Variants in MPZ observed in about 807,000 individuals in gnomAD.
MPZ encodes myelin protein P0.
MPZ carries 13 observed loss-of-function variants against 27.9 expected under a neutral mutation model. The observed-to-expected ratio is 0.47, with a 90% CI of 0.30 to 0.74. The LOEUF (loss-of-function observed/expected upper bound fraction) is 0.74, where lower values mean the gene tolerates loss of function less well. Ranked by LOEUF, MPZ falls within the 30% of genes least tolerant of loss-of-function variation. MPZ has a pLI of 0.06. For synonymous variants in MPZ, 118 were observed against 128.9 expected, an observed-to-expected ratio of 0.92 and a Z score of 0.57; for missense variants, 256 against 317.5, an observed-to-expected ratio of 0.81 and a Z score of 1.47.
Position 161,309,828 on chromosome 1 carries a change from G to A in MPZ, c.67+11C>T. The stretch of plus-strand genomic sequence containing the variant: ...GTCCCAAGACTCCCAGAGTAGAGTG[G>A]CTCCACTTACCCAAAGAAGAGAAGA... On this transcript the variant is annotated intron_variant, in intron 1 of 5. Coordinates refer to ENST00000533357, the MANE Select transcript of MPZ (RefSeq NM_000530.8). 6.4e-7 allele frequency: 1 copy of A among 1,571,338 alleles called. No individual in the cohort carries two copies. The highest frequency in any genetic ancestry group is 8.6e-7 in the Non-Finnish European group (1 of 1,157,558).
chr1:161,305,590 A>C lies in MPZ; in HGVS notation c.*286T>G. On this transcript the variant is annotated 3_prime_UTR_variant, in exon 6 of 6. Coordinates refer to ENST00000533357, the MANE Select transcript of MPZ (RefSeq NM_000530.8). Reference sequence around the variant, plus strand: ...TCTCAAAGGGAGGTGAGGGCAGGGCAGGGCGGGGGAGCAAAGAGGGAAAGC... The same window carrying C: ...TCTCAAAGGGAGGTGAGGGCAGGGCCGGGCGGGGGAGCAAAGAGGGAAAGC... The C allele has an allele frequency of 2.2e-6, 1 of 450,592 alleles. No individual in the cohort carries two copies. The highest frequency in any genetic ancestry group is 3.8e-6 in the Non-Finnish European group (1 of 260,794). 27.9% of individuals were successfully genotyped at this position (450,592 alleles called of 1,614,324 possible). A position where few individuals can be genotyped will look rare whatever the true frequency, so the allele number is the denominator to read the frequency against.
intron 1 of MPZ, 57 bp downstream of exon 1, chr1:161,309,782 G>A: frequency 7.3e-7 from 1 of 1,363,080 alleles, no homozygotes; most frequent in Non-Finnish European, 1.0e-6. Flanking sequence ...AAGGCTGTGG[G>A]GATTGCTGAG....
rs202176679 is a variant in MPZ, at chr1:161,306,116, C to G, written c.637G>C (p.Gly213Arg). Residue 213 changes from glycine to arginine, a missense_variant, in exon 5 of 6, where the codon GGG (glycine) becomes CGG (arginine). Around this residue, in one of 2 missense-constraint regions of MPZ, gnomAD observed 101 missense variants for 93.6 expected, o/e 1.08. Coordinates refer to ENST00000533357, the MANE Select transcript of MPZ (RefSeq NM_000530.8). ...CCCCAAGTCCCGCTAACCTGCCGCCCGCGCTTCGACGCGTCCTTTCCTGGC... is the reference window on the plus strand; with the variant it reads ...CCCCAAGTCCCGCTAACCTGCCGCCGGCGCTTCGACGCGTCCTTTCCTGGC... ...HKPGKDASKR[G>R]RQTPVLYAML... The G allele has an allele frequency of 8.4e-5, 136 of 1,614,122 alleles. 1 individual carries two copies. In the Middle Eastern group the frequency reaches 1.3e-3, roughly 16 times the overall value.
chr1:161,306,522 TA>T (rs1670252510), intron 3 of MPZ, 58 bp from the exon 4 acceptor site: 2 of 1,610,308 alleles, frequency 1.2e-6, no homozygotes. Flanking sequence ...CTGTGGTTCC[TA>T]GTCCGAGTGT....
rs1060503422 is a variant in MPZ at position 161,307,279 on chromosome 1, T to A, written c.213A>T (p.Glu71Asp). 1.2e-6 allele frequency: 2 copies of A among 1,614,228 alleles called. No homozygotes were observed. Among genetic ancestry groups the A allele is most frequent in the Non-Finnish European group, 8.5e-7 (1 of 1,180,044 alleles). Residue 71 changes from glutamate to aspartate, a missense_variant, in exon 2 of 6, where the codon GAA becomes GAT. Glu to Asp is a conservative substitution (Grantham distance 45). Coordinates refer to ENST00000533357, the MANE Select transcript of MPZ (RefSeq NM_000530.8). The stretch of plus-strand genomic sequence containing the variant: ...TCACCGAAATGGCATCTCTGCCCCC[T>A]TCGGGCTGGTAGCGCCAGGTGAAGG... ...DISFTWRYQP[E>D]GGRDAISIFH...
chr1:161,305,739 C>T lies in MPZ; in HGVS notation c.*137G>A. The T allele has an allele frequency of 1.5e-6, 1 of 652,054 alleles. No homozygotes were observed. The highest frequency in any genetic ancestry group is 2.6e-6 in the Non-Finnish European group (1 of 377,434). The allele number at this position is 652,054 out of a possible 1,614,324, so 40.4% of individuals were successfully genotyped here. On this transcript the variant is annotated 3_prime_UTR_variant, in exon 6 of 6. Coordinates refer to ENST00000533357, the MANE Select transcript of MPZ (RefSeq NM_000530.8). ...CTTGAGGGCGTTTTTGAGGCTGGTT[C>T]TGCTGGGGGACTTGACAGCAGGCCG...
At chr1:161,309,075 C>G (rs1389070546) in intron 1 of MPZ, among the ~76,000 whole-genome samples, 1 of 152,222 alleles carries the variant, frequency 6.6e-6, no homozygotes, top group Non-Finnish European at 1.5e-5. Context: ...CTCTTACTCA[C>G]CCAACATCTG....
Position 161,306,473 on chromosome 1 carries a change from G to A in MPZ, c.449-9C>T, listed in dbSNP as rs750530042. ...CCCGTACCTAGTTGGCACTAGGAGG[G>A]GTGGGAAAAGAAGTGGGAGAATGAG... On this transcript the variant is annotated splice_polypyrimidine_tract_variant and intron_variant, in intron 3 of 5. Coordinates refer to ENST00000533357, the MANE Select transcript of MPZ (RefSeq NM_000530.8). The A allele has an allele frequency of 6.2e-6, 10 of 1,614,200 alleles. No homozygotes were observed. Among genetic ancestry groups the A allele is most frequent in the Non-Finnish European group, 8.5e-6 (10 of 1,180,026 alleles).
rs1670239439 is a variant in MPZ at position 161,306,252 on chromosome 1, C to T, written c.584+77G>A. Reference sequence around the variant, plus strand: ...ACAGCTTCCTCTTCCCCTTGGCCCTCCCACCCACTGGAGTAGTCTCCGCCC... The same window carrying T: ...ACAGCTTCCTCTTCCCCTTGGCCCTTCCACCCACTGGAGTAGTCTCCGCCC... On this transcript the variant is annotated intron_variant, in intron 4 of 5. Coordinates refer to ENST00000533357, the MANE Select transcript of MPZ (RefSeq NM_000530.8). 3 of 1,612,416 alleles carry T rather than the reference C, an allele frequency of 1.9e-6. No homozygotes were observed. In the East Asian group the frequency reaches 6.7e-5, roughly 36 times the overall value.
At chr1:161,306,536 GCCCTGCATTGAGGATGTAGGACT>G (rs1174512887) in intron 3 of MPZ, 72 bp from the exon 4 acceptor site, 42 of 1,598,952 alleles carry the variant, frequency 2.6e-5, no homozygotes, top group Non-Finnish European at 3.4e-5. Context: ...CCGAGTGTAT[GCCCTGCATTGAGGATGTAGGACT>G]CCCAGCTAAA....
Position 161,306,039 on chromosome 1 carries a change from C to T in MPZ, c.646-62G>A, listed in dbSNP as rs1670230578. 13 of 1,609,336 alleles carry T rather than the reference C, an allele frequency of 8.1e-6. No individual in the cohort carries two copies. The Middle Eastern group carries it at 9.9e-4, about 122-fold the overall frequency. ...TGGGGCTTGACTGTTCCCATCCCAC[C>T]CCTCACTGCTGCCCGGCGGCTCCCA... On this transcript the variant is annotated intron_variant, in intron 5 of 5. Coordinates refer to ENST00000533357, the MANE Select transcript of MPZ (RefSeq NM_000530.8).
chr1:161,307,536 G>T, intron 1 of MPZ, 112 bp from the exon 2 acceptor site: 1 of 1,222,200 alleles, frequency 8.2e-7, no homozygotes, highest in Non-Finnish European at 1.2e-6. Context: ...GGCCAATTTG[G>T]AAAAGAAACA....
In MPZ at chr1:161,309,918, G is replaced by C; in HGVS notation, c.-13C>G. The stretch of plus-strand genomic sequence containing the variant: ...CCCCAGGAGCCATAGCTGGGGCAGG[G>C]GCAGGGGCCCGGAGCATCTGTGGGG... On this transcript the variant is annotated 5_prime_UTR_variant, in exon 1 of 6. Coordinates refer to ENST00000533357, the MANE Select transcript of MPZ (RefSeq NM_000530.8). 1 of 1,580,752 alleles carries C rather than the reference G, an allele frequency of 6.3e-7. No homozygotes were observed. Among genetic ancestry groups the C allele is most frequent in the East Asian group, 2.3e-5 (1 of 44,016 alleles).
Position 161,306,721 on chromosome 1 carries a change from A to G in MPZ, c.435T>C (p.Tyr145=). The G allele has an allele frequency of 1.2e-6, 2 of 1,614,054 alleles. No homozygotes were observed. Among genetic ancestry groups the G allele is most frequent in the South Asian group, 2.2e-5 (2 of 91,084 alleles). The change falls in exon 3 of 6, where the codon TAT becomes TAC. Residue 145 remains tyrosine (Y), a synonymous_variant. Transcript: ENST00000533357. The part of the protein sequence containing the change: ...IVGKTSQVTL[Y]VFEKVPTRYG... ...CCCTTCTCACACCTTTTTCAAAGAC[A>G]TACAGCGTGACCTGAGAGGTCTTGC...
At chr1:161,303,830 T>C (rs928400470), downstream of MPZ, among the ~76,000 whole-genome samples, 2 of 152,208 alleles carry the variant, frequency 1.3e-5, no homozygotes, top group Admixed American at 6.5e-5. Context: ...ATATACTCTA[T>C]TAGCTTTTAT....
At position 161,305,298 on chromosome 1, in the gene MPZ, C is replaced by A; in HGVS notation, c.*578G>T. On this transcript the variant is annotated 3_prime_UTR_variant, in exon 6 of 6. Coordinates refer to ENST00000533357, the MANE Select transcript of MPZ (RefSeq NM_000530.8). ...GGGGACAGAGTATGGAGCTGGGCCA[C>A]CTGGTAGAGGGGAGGGAGGGACGGG... is the stretch of plus-strand genomic sequence containing the variant. 1 of 155,976 alleles carries A rather than the reference C, an allele frequency of 6.4e-6. No individual in the cohort carries two copies. The highest frequency in any genetic ancestry group is 1.4e-5 in the Non-Finnish European group (1 of 70,080). The allele number at this position is 155,976 out of a possible 1,614,324, so 9.7% of individuals were successfully genotyped here.
At position 161,306,909 on chromosome 1, in the gene MPZ, C is replaced by T. The variant is rs1270375121; in HGVS notation, c.247G>A (p.Ala83Thr). The T allele has an allele frequency of 1.9e-6, 3 of 1,589,684 alleles. No homozygotes were observed. The highest frequency in any genetic ancestry group is 1.7e-6 in the Non-Finnish European group (2 of 1,166,710). ...GRDAISIFHY[A>T]KGQPYIDEVG... ...TCGTCAATGTAGGGTTGTCCCTTGG[C>T]ATAGTGGAAGATCTATGAGGAATGA... The change falls in exon 3 of 6, where the codon GCC becomes ACC. Residue 83 changes from alanine to threonine, a missense_variant. Transcript: ENST00000533357.
intron 1 of MPZ, among the ~76,000 whole-genome samples, 191 bp downstream of exon 1, chr1:161,309,648 T>C (rs1424888397): frequency 4.0e-5 from 6 of 150,478 alleles, no homozygotes; most frequent in African/African-American, 1.5e-4. Flanking sequence ...CACCTTGGCC[T>C]CCCAAAGTGC....
chr1:161,308,994 C>T (rs1291967741), intron 1 of MPZ, among the ~76,000 whole-genome samples: 1 of 152,172 alleles, frequency 6.6e-6, no homozygotes, highest in Non-Finnish European at 1.5e-5. Flanking sequence ...TTGCCTATGG[C>T]TCACTCATTG....
Sources: allele counts gnomAD v4.1 joint callset (sites outside exome capture counted in the v4.1 genomes callset), GRCh38; gene constraint gnomAD v4.1.1; regional missense constraint gnomAD v4.1.1; transcripts MANE v1.5; gene names NCBI Gene and HGNC (gene_info 2026-07-23, HGNC 2026-07-21).